Variants in PRIMA1 observed in about 807,000 individuals in gnomAD.
The protein encoded by PRIMA1 is proline rich membrane anchor 1, also known as proline-rich membrane anchor 1.
PRIMA1 carries 7 observed loss-of-function variants against 17.5 expected under a neutral mutation model. That is an observed-to-expected ratio of 0.40 (90% CI 0.23 to 0.75). PRIMA1 has a LOEUF of 0.75. Among genes scored for constraint, PRIMA1 ranks in the 30% least tolerant of loss-of-function variants. The pLI is 0.37. For missense variants in PRIMA1, 200 were observed against 201.8 expected, an observed-to-expected ratio of 0.99 and a Z score of 0.05; for synonymous variants, 97 against 77.9, an observed-to-expected ratio of 1.25 and a Z score of -1.29.
At chr14:93,727,379 C>T (rs1317451236) in intron 4 of PRIMA1, among the ~76,000 whole-genome samples, 3 of 152,204 alleles carry the variant, frequency 2.0e-5, no homozygotes, top group African/African-American at 7.2e-5. Flanking sequence ...CTTCCCAGCC[C>T]GGAGGCTGAA....
At chr14:93,769,270 C>A (rs371042700) in intron 3 of PRIMA1, among the ~76,000 whole-genome samples, 1 of 152,160 alleles carries the variant, frequency 6.6e-6, no homozygotes, top group Non-Finnish European at 1.5e-5. Flanking sequence ...CAGGGCTGGG[C>A]CAGGACCTCG....
chr14:93,771,847 A>G (rs1555417912), intron 3 of PRIMA1, among the ~76,000 whole-genome samples: 1 of 152,140 alleles, frequency 6.6e-6, no homozygotes, highest in Non-Finnish European at 1.5e-5. Context: ...CCAGGGAAGG[A>G]AAGGAAAGGG....
intron 3 of PRIMA1, among the ~76,000 whole-genome samples, chr14:93,759,455 G>A (rs1000683307): frequency 2.0e-5 from 3 of 152,154 alleles, no homozygotes; most frequent in African/African-American, 4.8e-5. Context: ...GCGAAGGGCG[G>A]GGCGGGGGGC....
chr14:93,739,616 G>A (rs12896080), intron 3 of PRIMA1, among the ~76,000 whole-genome samples: 122,815 of 152,086 alleles, frequency 0.81, 50,853 homozygotes, highest in Middle Eastern at 0.9. Flanking sequence ...TGGAAAGAAG[G>A]AAGAAGATGG....
rs147131501 is a variant in PRIMA1 at position 93,752,044 on chromosome 14, C to T, written c.230-14674G>A. Among the ~76,000 whole-genome samples, 241 of 152,222 alleles carry T rather than the reference C, an allele frequency of 1.6e-3. 3 individuals carry two copies. Among genetic ancestry groups the T allele is most frequent in the African/African-American group, 5.7e-3 (235 of 41,542 alleles). ...CACCATCGCAGAAAGTGTATTGGGC[C>T]GTCCAGAGTGTTGGGAGGTGGGATG... is the stretch of plus-strand genomic sequence containing the variant. On this transcript the variant is annotated intron_variant, in intron 3 of 4. Coordinates refer to ENST00000393140, the MANE Select transcript of PRIMA1 (RefSeq NM_178013.4).
chr14:93,747,520 T>A (rs575817207), intron 3 of PRIMA1, among the ~76,000 whole-genome samples: 105 of 152,026 alleles, frequency 6.9e-4, no homozygotes, highest in African/African-American at 2.4e-3. Flanking sequence ...TGGGAAGGAT[T>A]TCAAGGCAGG....
At chr14:93,781,994 G>A (rs1468818209) in intron 2 of PRIMA1, among the ~76,000 whole-genome samples, 5 of 141,984 alleles carry the variant, frequency 3.5e-5, no homozygotes, top group African/African-American at 7.9e-5. Flanking sequence ...AAGGCCGGGC[G>A]CAGTGGCTCA....
chr14:93,767,469 C>T (rs930954206), intron 3 of PRIMA1, among the ~76,000 whole-genome samples: 2 of 152,146 alleles, frequency 1.3e-5, no homozygotes, highest in African/African-American at 4.8e-5. Flanking sequence ...GAGCCCAGAA[C>T]CAGGGAGTGG....
At chr14:93,738,638 T>C (rs2076166065) in intron 3 of PRIMA1, among the ~76,000 whole-genome samples, 1 of 152,132 alleles carries the variant, frequency 6.6e-6, no homozygotes, top group Admixed American at 6.6e-5. Context: ...CAAAGGGTAA[T>C]ATGGATGGCT....
At chr14:93,761,544 C>T (rs1884725159) in intron 3 of PRIMA1, among the ~76,000 whole-genome samples, 1 of 152,120 alleles carries the variant, frequency 6.6e-6, no homozygotes, top group South Asian at 2.1e-4. Flanking sequence ...TGTGCTGTTC[C>T]CTCTGCCTGG....
At chr14:93,732,518 T>A (rs887719669) in intron 4 of PRIMA1, among the ~76,000 whole-genome samples, 9 of 152,174 alleles carry the variant, frequency 5.9e-5, no homozygotes, top group Non-Finnish European at 1.2e-4. Context: ...TTGGGGGCAG[T>A]CTGGTCTGAT....
chr14:93,763,126 A>C (rs1418697183), intron 3 of PRIMA1, among the ~76,000 whole-genome samples: 3 of 152,208 alleles, frequency 2.0e-5, no homozygotes, highest in Non-Finnish European at 4.4e-5. Flanking sequence ...CCCTGCCAGC[A>C]TATGAACTCA....
intron 4 of PRIMA1, among the ~76,000 whole-genome samples, chr14:93,724,059 A>G (rs986668907): frequency 1.3e-5 from 2 of 151,944 alleles, no homozygotes; most frequent in Non-Finnish European, 2.9e-5. Context: ...TAAGTTTTAA[A>G]TTTTTTGTAG....
intron 2 of PRIMA1, among the ~76,000 whole-genome samples, chr14:93,785,089 T>C (rs1461700026): frequency 2.0e-5 from 3 of 150,292 alleles, no homozygotes; most frequent in Non-Finnish European, 3.0e-5. Context: ...TGATGGCTTC[T>C]GGCATCTTTC....
At chr14:93,785,903 TACAC>T (rs34449933) in intron 2 of PRIMA1, among the ~76,000 whole-genome samples, 1 of 150,912 alleles carries the variant, frequency 6.6e-6, no homozygotes, top group East Asian at 2.0e-4. Context: ...CACCCCTGCA[TACAC>T]ACACACACAC....
intron 2 of PRIMA1, among the ~76,000 whole-genome samples, chr14:93,783,736 T>C (rs1885445542): frequency 6.6e-6 from 1 of 152,224 alleles, no homozygotes; most frequent in African/African-American, 2.4e-5. Context: ...GCCAGAATCC[T>C]GTAAATGCTG....
intron 2 of PRIMA1, among the ~76,000 whole-genome samples, chr14:93,786,610 G>A (rs1302288202): frequency 6.6e-6 from 1 of 152,052 alleles, no homozygotes; most frequent in Non-Finnish European, 1.5e-5. Context: ...ATGCCATCAG[G>A]AGCACATGAG....
At chr14:93,731,519 G>A (rs1295246447) in intron 4 of PRIMA1, among the ~76,000 whole-genome samples, 1 of 152,178 alleles carries the variant, frequency 6.6e-6, no homozygotes, top group Non-Finnish European at 1.5e-5. Context: ...ATTAAAAGGA[G>A]GGAATAAATG....
chr14:93,754,645 A>C (rs2076280108), intron 3 of PRIMA1, among the ~76,000 whole-genome samples: 1 of 152,238 alleles, frequency 6.6e-6, no homozygotes, highest in African/African-American at 2.4e-5. Context: ...AGAAATGTAT[A>C]TCATTTTCAG....
Sources: allele counts gnomAD v4.1 joint callset (sites outside exome capture counted in the v4.1 genomes callset), GRCh38; gene constraint gnomAD v4.1.1; transcripts MANE v1.5; gene names NCBI Gene and HGNC (gene_info 2026-07-23, HGNC 2026-07-21).